The following FILIP1L variants were observed in gnomAD, a reference collection of about 807,000 sequenced individuals.
FILIP1L encodes the protein filamin A interacting protein 1 like.
In FILIP1L, 55 loss-of-function variants were observed where a neutral mutation model predicts 96.6. That is an observed-to-expected ratio of 0.57 (90% confidence interval 0.46 to 0.71). The LOEUF is 0.71. Among genes scored for constraint, FILIP1L ranks in the 30% least tolerant of loss-of-function variants. FILIP1L has a pLI of 0.00. For missense variants in FILIP1L, 1,304 were observed against 1,321.2 expected, an observed-to-expected ratio of 0.99 and a Z score of 0.20; for synonymous variants, 467 against 473.9, an observed-to-expected ratio of 0.99 and a Z score of 0.19.
chr3:100,090,451 G>A (rs1002907135), intron 1 of FILIP1L, among the ~76,000 whole-genome samples: 1 of 152,170 alleles, frequency 6.6e-6, no homozygotes, highest in African/African-American at 2.4e-5. Context: ...TTTAGAGAAA[G>A]CAATTCCACC....
chr3:100,028,851 A>G (rs970373604), intron 1 of FILIP1L, among the ~76,000 whole-genome samples: 62 of 152,308 alleles, frequency 4.1e-4, no homozygotes, highest in African/African-American at 1.5e-3. Context: ...TGAACTATTC[A>G]ATGGTGATGT....
intron 1 of FILIP1L, among the ~76,000 whole-genome samples, chr3:99,946,835 G>T (rs771559972): frequency 2.0e-5 from 3 of 152,120 alleles, no homozygotes; most frequent in Non-Finnish European, 4.4e-5. Context: ...ATACTACAAA[G>T]TACCAAATTG....
Position 99,850,656 on chromosome 3 carries a change from T to G in FILIP1L, c.1020A>C (p.Thr340=). 6.2e-7 allele frequency: 1 copy of G among 1,614,170 alleles called. No homozygotes were observed. Among genetic ancestry groups the G allele is most frequent in the East Asian group, 2.2e-5 (1 of 44,884 alleles). ...CTTCTGCTTTTCGTAAAGACCTGTT[T>G]GTCTCTTCTAACTCATCAATCTGCC... The part of the protein sequence containing the change: ...LSRQIDELEE[T]NRSLRKAEEE... Residue 340 remains threonine (T), a synonymous_variant, in exon 5 of 6, where the codon ACA becomes ACC. Coordinates refer to ENST00000477258, the MANE Select transcript of FILIP1L (RefSeq NM_001387850.1).
In FILIP1L at chr3:99,850,445, T is replaced by C; in HGVS notation, c.1231A>G (p.Lys411Glu). 1 of 1,614,130 alleles carries C rather than the reference T, an allele frequency of 6.2e-7. No individual in the cohort carries two copies. The change falls in exon 5 of 6, where the codon AAA becomes GAA. Residue 411 changes from lysine (K) to glutamate (E), a missense_variant. Lys to Glu is a moderately conservative substitution (Grantham distance 56). Coordinates refer to ENST00000477258, the MANE Select transcript of FILIP1L (RefSeq NM_001387850.1). The part of the protein sequence containing the change: ...KRLERETLQS[K>E]DFKLEVEKLS... ...TTTTCAACCTCTAGTTTAAAGTCTT[T>C]ACTCTGTAACGTCTCCCTTTCAAGC...
chr3:100,069,408 C>CCTGCT (rs1023730607), intron 1 of FILIP1L, among the ~76,000 whole-genome samples: 1 of 152,120 alleles, frequency 6.6e-6, no homozygotes, highest in Non-Finnish European at 1.5e-5. Flanking sequence ...ATAATGCTCA[C>CCTGCT]CTGCTCTGTT....
chr3:99,984,230 T>C (rs1300630424), intron 1 of FILIP1L, among the ~76,000 whole-genome samples: 1 of 152,192 alleles, frequency 6.6e-6, no homozygotes, highest in African/African-American at 2.4e-5. Flanking sequence ...TCTTTGAGTA[T>C]AATTTTACTA....
intron 1 of FILIP1L, among the ~76,000 whole-genome samples, chr3:99,967,051 G>A (rs1162341361): frequency 6.6e-6 from 1 of 152,120 alleles, no homozygotes; most frequent in Non-Finnish European, 1.5e-5. Flanking sequence ...AGAGGGAAAG[G>A]ATATGGGGCA....
At chr3:100,110,595 G>A (rs1433289258) in intron 1 of FILIP1L, among the ~76,000 whole-genome samples, 4 of 152,142 alleles carry the variant, frequency 2.6e-5, no homozygotes, top group African/African-American at 9.7e-5. Context: ...AAGAAATAAA[G>A]TCGTGTATTT....
chr3:99,886,844 C>T (rs1705915730), intron 4 of FILIP1L, among the ~76,000 whole-genome samples: 2 of 151,732 alleles, frequency 1.3e-5, no homozygotes, highest in African/African-American at 2.4e-5. Context: ...GTGGTGGACA[C>T]CTGTAATCCC....
chr3:100,075,897 A>T (rs1457249263), intron 1 of FILIP1L, among the ~76,000 whole-genome samples: 1 of 152,164 alleles, frequency 6.6e-6, no homozygotes, highest in Non-Finnish European at 1.5e-5. Flanking sequence ...GGGTATTAGG[A>T]TTCGATTCAG....
intron 1 of FILIP1L, among the ~76,000 whole-genome samples, chr3:100,064,225 G>A (rs2065622877): frequency 6.6e-6 from 1 of 152,180 alleles, no homozygotes; most frequent in South Asian, 2.1e-4. Context: ...GGTGGATTGG[G>A]AAAGAGGAGG....
chr3:100,041,340 A>G (rs1182176569), intron 1 of FILIP1L: 1 of 152,198 alleles, frequency 6.6e-6, no homozygotes, highest in Non-Finnish European at 1.5e-5. Context: ...AGCTGTAAGC[A>G]CTTGAAGATG....
chr3:99,894,154 G>A (rs1184412290), intron 4 of FILIP1L, among the ~76,000 whole-genome samples: 2 of 152,212 alleles, frequency 1.3e-5, no homozygotes, highest in Non-Finnish European at 2.9e-5. Context: ...ATTACAGCTA[G>A]GAGTTGGTTG....
chr3:99,837,119 A>G (rs1268420057), intron 5 of FILIP1L, among the ~76,000 whole-genome samples: 1 of 152,206 alleles, frequency 6.6e-6, no homozygotes, highest in African/African-American at 2.4e-5. Context: ...TCTGTAATTA[A>G]TACATACTCT....
Position 99,850,905 on chromosome 3 carries a change from T to C in FILIP1L, c.771A>G (p.Arg257=). Residue 257 remains arginine (R), a synonymous_variant, in exon 5 of 6, where the codon AGA becomes AGG. Transcript: ENST00000477258. ...QRLTAQLTLQ[R]QKIQELTTNA... ...TTGTGGTCAGCTCTTGGATTTTCTG[T>C]CTTTGAAGGGTGAGCTGTGCCGTCA... 1.2e-6 allele frequency: 2 copies of C among 1,614,198 alleles called. No individual in the cohort carries two copies. Among genetic ancestry groups the C allele is most frequent in the Non-Finnish European group, 1.7e-6 (2 of 1,180,030 alleles).
At chr3:99,855,284 C>T (rs961983841) in intron 4 of FILIP1L, among the ~76,000 whole-genome samples, 4 of 152,086 alleles carry the variant, frequency 2.6e-5, no homozygotes, top group Admixed American at 6.6e-5. Context: ...AAATGCATAC[C>T]ATAGTTGGTG....
At chr3:100,017,554 C>T (rs1045022207) in intron 1 of FILIP1L, among the ~76,000 whole-genome samples, 1 of 152,174 alleles carries the variant, frequency 6.6e-6, no homozygotes, top group Admixed American at 6.5e-5. Context: ...GTACTTTGTG[C>T]TGTCAGCAAC....
intron 1 of FILIP1L, among the ~76,000 whole-genome samples, chr3:99,980,990 G>A (rs1000939781): frequency 2.0e-5 from 3 of 152,154 alleles, no homozygotes; most frequent in Non-Finnish European, 1.5e-5. Context: ...ATGAAGATGT[G>A]AGCTTTGGTA....
chr3:99,830,776 T>C (rs1038803643), intron 5 of FILIP1L, among the ~76,000 whole-genome samples, 171 bp from the exon 6 acceptor site: 2 of 152,192 alleles, frequency 1.3e-5, no homozygotes, highest in African/African-American at 4.8e-5. Flanking sequence ...AGTAAAGTAA[T>C]CTGGTGTGTG....
Sources: allele counts gnomAD v4.1 joint callset (sites outside exome capture counted in the v4.1 genomes callset), GRCh38; gene constraint gnomAD v4.1.1; transcripts MANE v1.5; gene names NCBI Gene and HGNC (gene_info 2026-07-23, HGNC 2026-07-21).